The following ZNF131 variants were observed in gnomAD, a reference collection of about 807,000 sequenced individuals.
The protein encoded by ZNF131 is zinc finger protein 131.
In ZNF131, 7 loss-of-function variants were observed where a neutral mutation model predicts 60.0. The observed-to-expected ratio is 0.12, with a 90% confidence interval of 0.07 to 0.22. The LOEUF is 0.22. Ranked by LOEUF, ZNF131 falls within the 10% of genes least tolerant of loss-of-function variation. The probability of loss-of-function intolerance (pLI) is 1.00; values close to 1 mark genes in which losing one functional copy is unlikely to be tolerated. For synonymous variants in ZNF131, 257 were observed against 253.2 expected (o/e 1.01, Z -0.14); for missense variants, 493 against 740.9 (o/e 0.67, Z 3.88).
At chr5:43,148,043 CTTTTT>C (rs55979930) in intron 4 of ZNF131, among the ~76,000 whole-genome samples, 13,620 of 123,710 alleles carry the variant, frequency 0.11, 788 homozygotes, top group East Asian at 0.2. Context: ...GACAAGAGTG[CTTTTT>C]TTTTTTTTTT....
intron 4 of ZNF131, among the ~76,000 whole-genome samples, chr5:43,144,233 CTTTCTTTTTTTTTTTTTTTTTT>C (rs1747277641): frequency 1.2e-5 from 1 of 82,432 alleles, no homozygotes; most frequent in Non-Finnish European, 2.5e-5. Context: ...TTTTTTCTTT[CTTTCTTTTTTTTTTTTTTTTTT>C]TTTTTTTTTT....
At chr5:43,145,185 A>C (rs1157778279) in intron 4 of ZNF131, among the ~76,000 whole-genome samples, 1 of 152,114 alleles carries the variant, frequency 6.6e-6, no homozygotes, top group Non-Finnish European at 1.5e-5. Flanking sequence ...ATAAGCCTCT[A>C]AAATCTCTTT....
intron 3 of ZNF131, among the ~76,000 whole-genome samples, chr5:43,132,213 T>G (rs1002197111): frequency 1.3e-5 from 2 of 152,214 alleles, no homozygotes; most frequent in Admixed American, 6.5e-5. Flanking sequence ...AGTTGTATTT[T>G]CCTTGGGCTA....
chr5:43,174,544 G>C lies in ZNF131; in HGVS notation c.1283G>C (p.Trp428Ser). The change falls in exon 7 of 7, where the codon TGG becomes TCG. Residue 428 changes from tryptophan to serine, a missense_variant. Coordinates refer to ENST00000682664, the MANE Select transcript of ZNF131 (RefSeq NM_001330707.2). ...KPNHCTLCDL[W>S]FMQGNELRRH... Reference sequence around the variant, plus strand: ...AACCATTGTACTTTATGTGATTTGTGGTTTATGCAAGGAAATGAATTAAGG... The same window carrying C: ...AACCATTGTACTTTATGTGATTTGTCGTTTATGCAAGGAAATGAATTAAGG... 6.2e-7 allele frequency: 1 copy of C among 1,601,820 alleles called. No individual in the cohort carries two copies. The highest frequency in any genetic ancestry group is 8.5e-7 in the Non-Finnish European group (1 of 1,173,640).
At chr5:43,121,472 G>C (rs1408641513) in intron 1 of ZNF131, 2 of 152,490 alleles carry the variant, frequency 1.3e-5, no homozygotes, top group African/African-American at 4.8e-5. Flanking sequence ...TTGCTGGTCG[G>C]CGCCCGGAAG....
chr5:43,157,853 C>T (rs1749150422), intron 4 of ZNF131, among the ~76,000 whole-genome samples: 1 of 152,208 alleles, frequency 6.6e-6, no homozygotes, highest in Non-Finnish European at 1.5e-5. Context: ...CAGTCTCTGC[C>T]TTCATCTTCA....
intron 5 of ZNF131, among the ~76,000 whole-genome samples, chr5:43,163,279 A>G (rs1749974284): frequency 1.3e-5 from 2 of 152,052 alleles, no homozygotes; most frequent in Admixed American, 1.3e-4. Flanking sequence ...CATCCGGCCC[A>G]TGTTTATACT....
intron 3 of ZNF131, among the ~76,000 whole-genome samples, chr5:43,127,923 C>T (rs1436049457): frequency 2.0e-5 from 3 of 152,240 alleles, no homozygotes; most frequent in Non-Finnish European, 4.4e-5. Context: ...TCTGTAACAG[C>T]AGCTCTACCA....
At chr5:43,134,136 A>T (rs536456677) in intron 3 of ZNF131, among the ~76,000 whole-genome samples, 1 of 152,348 alleles carries the variant, frequency 6.6e-6, no homozygotes, top group East Asian at 1.9e-4. Context: ...GTGAAATACT[A>T]GCAGACTGAT....
At chr5:43,147,562 C>T (rs71590636) in intron 4 of ZNF131, among the ~76,000 whole-genome samples, 13,317 of 150,914 alleles carry the variant, frequency 0.088, 784 homozygotes, top group East Asian at 0.19. Context: ...GGACTACAGG[C>T]GCCTGCCACC....
In ZNF131 at chr5:43,127,522, C is replaced by G. The variant is rs112024755; in HGVS notation, c.226+4212C>G. On this transcript the variant is annotated intron_variant, in intron 3 of 6. Transcript: ENST00000682664. ...TGAGCAGCACTGCCCTAGCATGATT[C>G]TAGTGTGCAGTCAATGTTGAGGACC... Among the ~76,000 whole-genome samples the G allele has an allele frequency of 7.8e-3, 1,192 of 152,290 alleles. 18 individuals are homozygous for G. Among genetic ancestry groups the G allele is most frequent in the African/African-American group, 0.027 (1,140 of 41,554 alleles).
intron 4 of ZNF131, among the ~76,000 whole-genome samples, chr5:43,157,746 G>A (rs536705992): frequency 6.6e-6 from 1 of 152,320 alleles, no homozygotes; most frequent in East Asian, 1.9e-4. Flanking sequence ...GGTGTTCATA[G>A]TGCCATGATC....
rs1481506879 is a variant in ZNF131 at position 43,174,624 on chromosome 5, C to T, written c.1363C>T (p.Leu455Phe). Residue 455 changes from leucine to phenylalanine, a missense_variant, in exon 7 of 7, where the codon CTT becomes TTT. Around this residue, in one of 7 missense-constraint regions of ZNF131, gnomAD observed 202 missense variants for 221.3 expected, o/e 0.91. Coordinates refer to ENST00000682664, the MANE Select transcript of ZNF131 (RefSeq NM_001330707.2). ...ISERLVTEEV[L>F]SVETRVQTEP... ...AGAGCGTCTAGTAACGGAAGAAGTT[C>T]TTTCAGTAGAAACACGTGTGCAAAC... 3 of 1,613,988 alleles carry T rather than the reference C, an allele frequency of 1.9e-6. No individual in the cohort carries two copies. The African/African-American group carries it at 4.0e-5, about 22-fold the overall frequency.
intron 4 of ZNF131, among the ~76,000 whole-genome samples, chr5:43,150,518 G>A (rs752763694): frequency 1.3e-5 from 2 of 152,120 alleles, no homozygotes; most frequent in African/African-American, 2.4e-5. Context: ...GGCTGGGTGC[G>A]GTGGCTCATG....
rs932906448 is a variant in ZNF131 at position 43,156,622 on chromosome 5, C to G, written c.372-4627C>G. ...TAACGTCATCCCTGCTGACACCGAT[C>G]TATTTCAGCTTCGGGGATTCCTTGA... On this transcript the variant is annotated intron_variant, in intron 4 of 6. Transcript: ENST00000682664. 5.3e-5 allele frequency among the ~76,000 whole-genome samples: 8 copies of G among 152,338 alleles called. No homozygotes were observed. The East Asian group carries it at 1.3e-3, about 26-fold the overall frequency.
chr5:43,149,742 A>G (rs1160614902), intron 4 of ZNF131, among the ~76,000 whole-genome samples: 2 of 152,072 alleles, frequency 1.3e-5, no homozygotes, highest in African/African-American at 4.8e-5. Context: ...GCTGGTGGGT[A>G]TATGGTGATT....
intron 5 of ZNF131, among the ~76,000 whole-genome samples, chr5:43,169,572 A>G (rs942993434): frequency 6.6e-6 from 1 of 152,340 alleles, no homozygotes; most frequent in African/African-American, 2.4e-5. Flanking sequence ...TAAAAAATAT[A>G]TGGAACATTT....
At chr5:43,164,714 G>A (rs1750137706) in intron 5 of ZNF131, among the ~76,000 whole-genome samples, 1 of 152,066 alleles carries the variant, frequency 6.6e-6, no homozygotes, top group Non-Finnish European at 1.5e-5. Flanking sequence ...TTTTATTTTG[G>A]TTTGGACAGC....
Position 43,139,417 on chromosome 5 carries a change from A to C in ZNF131, c.371+108A>C, listed in dbSNP as rs1746527288. ...TGCCATGAAGAACAGAGTTCTTCAG[A>C]AGAATTAAGAATATTTAAGGATCTA... On this transcript the variant is annotated intron_variant, in intron 4 of 6. Transcript: ENST00000682664. 5 of 1,139,980 alleles carry C rather than the reference A, an allele frequency of 4.4e-6. No homozygotes were observed. The Admixed American group carries it at 1.6e-4, about 36-fold the overall frequency. 70.6% of individuals were successfully genotyped at this position (1,139,980 alleles called of 1,614,324 possible). A position where few individuals can be genotyped will look rare whatever the true frequency, so the allele number is the denominator to read the frequency against.
Sources: allele counts gnomAD v4.1 joint callset (sites outside exome capture counted in the v4.1 genomes callset), GRCh38; gene constraint gnomAD v4.1.1; regional missense constraint gnomAD v4.1.1; transcripts MANE v1.5; gene names NCBI Gene and HGNC (gene_info 2026-07-23, HGNC 2026-07-21).